Variants in SPOP observed in about 807,000 individuals in gnomAD.
SPOP encodes the protein speckle-type POZ protein.
In SPOP, 11 loss-of-function variants were observed where a neutral mutation model predicts 45.6. That is an observed-to-expected ratio of 0.24 (90% CI 0.15 to 0.40). The LOEUF (loss-of-function observed/expected upper bound fraction) is 0.40, where lower values mean the gene tolerates loss of function less well. Among genes scored for constraint, SPOP ranks in the 10% least tolerant of loss-of-function variants. SPOP has a pLI of 1.00. For missense variants in SPOP, 152 were observed against 465.6 expected, an observed-to-expected ratio of 0.33 and a Z score of 6.20; for synonymous variants, 166 against 166.3, an observed-to-expected ratio of 1.00 and a Z score of 0.01.
chr17:49,646,800 T>C (rs141511482), intron 1 of SPOP, among the ~76,000 whole-genome samples: 1 of 152,330 alleles, frequency 6.6e-6, no homozygotes, highest in African/African-American at 2.4e-5. Flanking sequence ...GTCACATGGC[T>C]ATTAATGGGC....
chr17:49,600,483 T>C lies in SPOP; in HGVS notation c.1020A>G (p.Ser340=), dbSNP rs1445972010. Residue 340 remains serine, a synonymous_variant, in exon 10 of 10, where the codon TCA becomes TCG. Coordinates refer to ENST00000504102, the MANE Select transcript of SPOP (RefSeq NM_001007228.2). This position sits in a 1 kb window ranked among gnomAD's most constrained non-coding sequence, Gnocchi z 4.2. ...SDVLETSGWK[S]MVVSHPHLVA... is the part of the protein sequence containing the mutation. Reference sequence around the variant, plus strand: ...CCAAGTGGGGATGTGACACCACCATTGACTTCCACCCAGAGGTCTCCAAGA... The same window carrying C: ...CCAAGTGGGGATGTGACACCACCATCGACTTCCACCCAGAGGTCTCCAAGA... 1 of 1,614,080 alleles carries C rather than the reference T, an allele frequency of 6.2e-7. No individual in the cohort carries two copies. Among genetic ancestry groups the C allele is most frequent in the African/African-American group, 1.3e-5 (1 of 74,988 alleles).
intron 1 of SPOP, among the ~76,000 whole-genome samples, chr17:49,663,039 A>G (rs2073009106): frequency 6.6e-6 from 1 of 152,360 alleles, no homozygotes; most frequent in Non-Finnish European, 1.5e-5. Context: ...TGATAGTACA[A>G]GAGCAATAAT....
intron 6 of SPOP, among the ~76,000 whole-genome samples, chr17:49,609,081 G>A (rs1443364311): frequency 6.6e-6 from 1 of 152,038 alleles, no homozygotes; most frequent in East Asian, 1.9e-4. Flanking sequence ...GCTAATTTTT[G>A]TATTTTTAGT....
chr17:49,600,663 G>T lies in SPOP; in HGVS notation c.981-141C>A. ...ACAGAAGAACCCTTAATATGCATAA[G>T]AATTTGCTTGTTAGACAATGAGCAG... On this transcript the variant is annotated intron_variant, in intron 9 of 9. Transcript: ENST00000504102. This position sits in a 1 kb window ranked among gnomAD's most constrained non-coding sequence, Gnocchi z 4.2. 1 of 878,832 alleles carries T rather than the reference G, an allele frequency of 1.1e-6. No individual in the cohort carries two copies. The highest frequency in any genetic ancestry group is 1.7e-6 in the Non-Finnish European group (1 of 581,846). 54.4% of individuals were successfully genotyped at this position (878,832 alleles called of 1,614,324 possible).
At chr17:49,663,697 G>T (rs758511230) in intron 1 of SPOP, among the ~76,000 whole-genome samples, 1 of 152,202 alleles carries the variant, frequency 6.6e-6, no homozygotes, top group Non-Finnish European at 1.5e-5. Context: ...AGTTGAACTA[G>T]CTGCTTTTTC....
intron 1 of SPOP, among the ~76,000 whole-genome samples, chr17:49,666,828 C>CA (rs1042552669): frequency 6.6e-6 from 1 of 151,526 alleles, no homozygotes; most frequent in Non-Finnish European, 1.5e-5. Context: ...GACTCCATCT[C>CA]AAAAAAACAA....
chr17:49,624,671 G>T (rs2072294154), intron 1 of SPOP, among the ~76,000 whole-genome samples: 1 of 151,722 alleles, frequency 6.6e-6, no homozygotes, highest in Non-Finnish European at 1.5e-5. Context: ...ACAGGGTTTT[G>T]CCATGTTGCC....
intron 1 of SPOP, among the ~76,000 whole-genome samples, chr17:49,634,921 G>A (rs1034778231): frequency 6.6e-6 from 1 of 152,160 alleles, no homozygotes; most frequent in Non-Finnish European, 1.5e-5. Context: ...AAGGGCAACT[G>A]ATTATGTTCA....
At chr17:49,658,997 T>A (rs1475459919) in intron 1 of SPOP, among the ~76,000 whole-genome samples, 1 of 151,778 alleles carries the variant, frequency 6.6e-6, no homozygotes, top group Non-Finnish European at 1.5e-5. Flanking sequence ...AATGAGAAAA[T>A]AAAAAGTGCA....
At chr17:49,643,844 C>T (rs574927435) in intron 1 of SPOP, among the ~76,000 whole-genome samples, 3 of 151,072 alleles carry the variant, frequency 2.0e-5, no homozygotes, top group Non-Finnish European at 2.9e-5. Flanking sequence ...GAAGGAGAAT[C>T]GCTTGAACCC....
intron 5 of SPOP, among the ~76,000 whole-genome samples, chr17:49,613,346 G>C (rs2072016605): frequency 6.6e-6 from 1 of 152,082 alleles, no homozygotes; most frequent in Admixed American, 6.6e-5. Flanking sequence ...GAATCTCCTG[G>C]GATGGCCAAT....
At chr17:49,606,717 A>G (rs1597905657) in intron 8 of SPOP, among the ~76,000 whole-genome samples, 1 of 150,012 alleles carries the variant, frequency 6.7e-6, no homozygotes, top group Admixed American at 6.6e-5. Flanking sequence ...CTGGTCTCAA[A>G]CTCCTGAGCT....
At chr17:49,622,382 A>C in intron 2 of SPOP, 1 of 530,088 alleles carries the variant, frequency 1.9e-6, no homozygotes, top group Non-Finnish European at 3.5e-6. Flanking sequence ...AACCGTACTT[A>C]AAATGGGTCT....
chr17:49,620,190 A>T (rs938493876), intron 3 of SPOP, among the ~76,000 whole-genome samples: 1 of 151,564 alleles, frequency 6.6e-6, no homozygotes, highest in Non-Finnish European at 1.5e-5. Context: ...AAAGAAAAAA[A>T]AAAGAAATGT....
intron 1 of SPOP, among the ~76,000 whole-genome samples, chr17:49,624,317 A>ACGCGCG (rs1205531205): frequency 9.1e-6 from 1 of 109,622 alleles, no homozygotes; most frequent in African/African-American, 3.5e-5. Context: ...GAACACACAC[A>ACGCGCG]CACGCGCGCG....
intron 1 of SPOP, among the ~76,000 whole-genome samples, chr17:49,641,096 C>T (rs71379374): frequency 6.6e-6 from 1 of 151,816 alleles, no homozygotes. Context: ...AACCCCGTCT[C>T]TACTAAAAAC....
chr17:49,617,594 CAA>C (rs1185399441), intron 5 of SPOP, among the ~76,000 whole-genome samples: 1 of 152,090 alleles, frequency 6.6e-6, no homozygotes, highest in Non-Finnish European at 1.5e-5. Flanking sequence ...AAACTGCCTC[CAA>C]AGTTTTCTAA....
chr17:49,664,489 A>AT (rs2073027609), intron 1 of SPOP, among the ~76,000 whole-genome samples: 1 of 152,208 alleles, frequency 6.6e-6, no homozygotes, highest in Non-Finnish European at 1.5e-5. Context: ...AATATTTTTA[A>AT]ATGTCTTCCA....
At chr17:49,671,049 G>A (rs1417673264) in intron 1 of SPOP, among the ~76,000 whole-genome samples, 6 of 151,998 alleles carry the variant, frequency 3.9e-5, no homozygotes, top group African/African-American at 1.2e-4. Context: ...TTTCATCTTA[G>A]AAAAAAACAA....
Sources: allele counts gnomAD v4.1 joint callset (sites outside exome capture counted in the v4.1 genomes callset), GRCh38; gene constraint gnomAD v4.1.1; non-coding constraint Gnocchi (gnomAD v3.1); transcripts MANE v1.5; gene names NCBI Gene and HGNC (gene_info 2026-07-23, HGNC 2026-07-21).